PDZD2: variants seen among roughly 807,000 people sequenced by gnomAD.
PDZD2 encodes the protein PDZ domain containing 2, also known as PDZ domain-containing protein 2.
In PDZD2, 90 loss-of-function variants were observed where a neutral mutation model predicts 220.7. That is an observed-to-expected ratio of 0.41 (90% CI 0.34 to 0.49). The LOEUF (loss-of-function observed/expected upper bound fraction) is 0.49, where lower values mean the gene tolerates loss of function less well. PDZD2 is among the 20% of genes least tolerant of loss of function. PDZD2 has a pLI of 0.28. For synonymous variants in PDZD2, 1,375 were observed against 1,450.5 expected (o/e 0.95, Z 1.18); for missense variants, 3,174 against 3,608.5 (o/e 0.88, Z 3.08).
intron 1 of PDZD2, among the ~76,000 whole-genome samples, chr5:31,641,431 G>A (rs1019975243): frequency 1.3e-5 from 2 of 152,162 alleles, no homozygotes; most frequent in Non-Finnish European, 2.9e-5. Context: ...GGTAGAAGTC[G>A]AGAGGTTGAT....
At chr5:31,813,926 G>A (rs182770942) in intron 2 of PDZD2, among the ~76,000 whole-genome samples, 3 of 152,300 alleles carry the variant, frequency 2.0e-5, no homozygotes, top group African/African-American at 4.8e-5. Flanking sequence ...CGAGCACTTT[G>A]GGAGGCCAAG....
At chr5:31,867,365 G>A (rs1172691966) in intron 2 of PDZD2, among the ~76,000 whole-genome samples, 2 of 152,158 alleles carry the variant, frequency 1.3e-5, no homozygotes, top group African/African-American at 2.4e-5. Context: ...AGCATTTTAT[G>A]TGGGTATATG....
chr5:31,799,912 C>G (rs1020517225), intron 2 of PDZD2, among the ~76,000 whole-genome samples, 188 bp downstream of exon 2: 4 of 152,192 alleles, frequency 2.6e-5, no homozygotes, highest in Non-Finnish European at 5.9e-5. Context: ...AAGGTTGGGT[C>G]TTGGATGTGT....
chr5:31,862,563 CTTT>C (rs34086606), intron 2 of PDZD2, among the ~76,000 whole-genome samples: 1 of 128,178 alleles, frequency 7.8e-6, no homozygotes. Context: ...CTTTTCTTTT[CTTT>C]TTTTTTTTTT....
In PDZD2 at chr5:32,109,062, CATTTCTGA is replaced by C. The variant is rs1745108446; in HGVS notation, c.*932_*939del. ...ACAAGTCAGTCAGTCACTGGGTTTC[CATTTCTGA>C]ATTTTATGCACTCCAACCATGAATT... On this transcript the variant is annotated 3_prime_UTR_variant, in exon 25 of 25. Coordinates refer to ENST00000438447, the MANE Select transcript of PDZD2 (RefSeq NM_178140.4). 6.6e-6 allele frequency: 1 copy of C among 152,534 alleles called. No individual in the cohort carries two copies. Among genetic ancestry groups the C allele is most frequent in the Non-Finnish European group, 1.5e-5 (1 of 68,028 alleles). 9.4% of individuals were successfully genotyped at this position (152,534 alleles called of 1,614,324 possible).
intron 2 of PDZD2, among the ~76,000 whole-genome samples, chr5:31,816,101 A>G (rs1345252425): frequency 6.6e-6 from 1 of 151,982 alleles, no homozygotes; most frequent in Non-Finnish European, 1.5e-5. Flanking sequence ...ATCCTGGCTA[A>G]CACAGTGAAA....
Position 31,983,535 on chromosome 5 carries a change from T to G in PDZD2, c.857T>G (p.Val286Gly). The change falls in exon 3 of 25, where the codon GTG (valine) becomes GGG (glycine). Residue 286 changes from valine (V) to glycine (G), a missense_variant. By Grantham distance (109) the Val-to-Gly change is moderately radical (BLOSUM62 -3). Coordinates refer to ENST00000438447, the MANE Select transcript of PDZD2 (RefSeq NM_178140.4). ...VAGPHLERSE[V>G]DRGTEHRIPK... ...GGACCCCATCTAGAGAGGTCAGAAG[T>G]GGACAGAGGGACAGAGCATAGAATT... The G allele has an allele frequency of 6.2e-7, 1 of 1,614,158 alleles. No homozygotes were observed. The highest frequency in any genetic ancestry group is 1.3e-5 in the African/African-American group (1 of 75,034).
intron 2 of PDZD2, among the ~76,000 whole-genome samples, chr5:31,868,596 G>C (rs948698489): frequency 1.3e-5 from 2 of 152,130 alleles, no homozygotes; most frequent in Non-Finnish European, 2.9e-5. Flanking sequence ...GGGACTGCGC[G>C]TAGTGTTCAT....
At chr5:31,807,629 T>A (rs1754815537) in intron 2 of PDZD2, among the ~76,000 whole-genome samples, 1 of 152,098 alleles carries the variant, frequency 6.6e-6, no homozygotes, top group South Asian at 2.1e-4. Context: ...GACACTGGGG[T>A]CCATTCCAAT....
chr5:32,086,843 A>ATT (rs10710224), intron 19 of PDZD2, among the ~76,000 whole-genome samples: 973 of 85,180 alleles, frequency 0.011, 37 homozygotes, highest in East Asian at 0.097. Context: ...TGCCCAGCTA[A>ATT]TTTTTTTTTT....
chr5:31,897,776 G>T (rs1246504686), intron 2 of PDZD2, among the ~76,000 whole-genome samples: 3 of 149,124 alleles, frequency 2.0e-5, no homozygotes, highest in Non-Finnish European at 4.4e-5. Context: ...TGTCTCTGTT[G>T]TCCAGGCTGG....
At position 32,090,313 on chromosome 5, in the gene PDZD2, A is replaced by G; in HGVS notation, c.6865A>G (p.Asn2289Asp). ...AAAGCCGCTGCTGGACACATCGAGG[A>G]ATCTTCCAGCCACAGATGAAGGGGA... ...SVKPLLDTSR[N>D]LPATDEGDII... The change falls in exon 20 of 25, where the codon AAT (asparagine) becomes GAT (aspartate). Residue 2289 changes from asparagine (N) to aspartate (D), a missense_variant. Transcript: ENST00000438447. The surrounding 1 kb of genome is among the most constrained non-coding windows in gnomAD (Gnocchi z 4.3). The G allele has an allele frequency of 6.2e-7, 1 of 1,614,186 alleles. No individual in the cohort carries two copies.
intron 2 of PDZD2, among the ~76,000 whole-genome samples, chr5:31,874,972 A>C: frequency 6.6e-6 from 1 of 152,136 alleles, no homozygotes; most frequent in East Asian, 1.9e-4. Context: ...CTTCCAGTCT[A>C]AGTTTTGATG....
At chr5:32,051,079 C>T (rs1309756503) in intron 8 of PDZD2, among the ~76,000 whole-genome samples, 2 of 152,152 alleles carry the variant, frequency 1.3e-5, no homozygotes, top group African/African-American at 4.8e-5. Context: ...CCTGGAAACT[C>T]TCTGAGAGGT....
At chr5:31,908,419 A>G in intron 2 of PDZD2, 1 of 533,860 alleles carries the variant, frequency 1.9e-6, no homozygotes. Flanking sequence ...GATCCGGGAG[A>G]TCTCAGACTG....
rs1455158624 is a variant in PDZD2 at position 31,639,401 on chromosome 5, G to C, written c.-397G>C. On this transcript the variant is annotated 5_prime_UTR_variant, in exon 1 of 25. Transcript: ENST00000438447. This position sits in a 1 kb window ranked among gnomAD's most constrained non-coding sequence, Gnocchi z 4.1. ...GGGCGGCGCCTGGGTCTGGACGCGC[G>C]AGGAAGCCGCGGGAGCCTCGGCCAA... The C allele has an allele frequency of 6.6e-6, 1 of 151,308 alleles. No individual in the cohort carries two copies. Among genetic ancestry groups the C allele is most frequent in the Non-Finnish European group, 1.5e-5 (1 of 67,766 alleles). 9.4% of individuals were successfully genotyped at this position (151,308 alleles called of 1,614,324 possible).
At chr5:31,695,124 C>T (rs1467319256) in intron 1 of PDZD2, among the ~76,000 whole-genome samples, 1 of 151,048 alleles carries the variant, frequency 6.6e-6, no homozygotes, top group African/African-American at 2.4e-5. Flanking sequence ...ACTCCGTCTC[C>T]AAATTAAAAA....
chr5:31,808,751 T>C (rs1017752598), intron 2 of PDZD2, among the ~76,000 whole-genome samples: 1 of 151,794 alleles, frequency 6.6e-6, no homozygotes, highest in Admixed American at 6.6e-5. Context: ...CTGAGGCGGG[T>C]GGATCACTTG....
chr5:31,737,415 G>A (rs56133846), intron 1 of PDZD2, among the ~76,000 whole-genome samples: 7,314 of 151,886 alleles, frequency 0.048, 267 homozygotes, highest in Non-Finnish European at 0.071. Context: ...CTCGTGATCC[G>A]CCCGCCTTGG....
Sources: allele counts gnomAD v4.1 joint callset (sites outside exome capture counted in the v4.1 genomes callset), GRCh38; gene constraint gnomAD v4.1.1; non-coding constraint Gnocchi (gnomAD v3.1); transcripts MANE v1.5; gene names NCBI Gene and HGNC (gene_info 2026-07-23, HGNC 2026-07-21).